STAT2: variants seen among roughly 807,000 people sequenced by gnomAD.
The protein encoded by STAT2 is signal transducer and activator of transcription 2.
Under a neutral mutation model 122.3 loss-of-function variants are expected in STAT2, and 51 were observed. The ratio of observed to expected loss-of-function variants is 0.42; its 90% CI spans 0.33 to 0.53. The LOEUF (loss-of-function observed/expected upper bound fraction) is 0.53. Among genes scored for constraint, STAT2 ranks in the 20% least tolerant of loss-of-function variants. STAT2 has a pLI of 0.10. For missense variants in STAT2, 736 were observed against 1,010.3 expected, an observed-to-expected ratio of 0.73 and a Z score of 3.68; for synonymous variants, 351 against 394.9, an observed-to-expected ratio of 0.89 and a Z score of 1.32.
At chr12:56,346,370 G>A in intron 21 of STAT2, 72 bp downstream of exon 21, 1 of 1,586,390 alleles carries the variant, frequency 6.3e-7, no homozygotes, top group South Asian at 1.1e-5. Context: ...ATGCTTTAAA[G>A]GAAGGAGTGG....
chr12:56,349,005 C>G lies in STAT2; in HGVS notation c.1495G>C (p.Ala499Pro). 1.2e-6 allele frequency: 2 copies of G among 1,613,892 alleles called. No homozygotes were observed. The highest frequency in any genetic ancestry group is 2.2e-5 in the East Asian group (1 of 44,884). Residue 499 changes from alanine (A) to proline (P), a missense_variant, in exon 17 of 24, where the codon GCT becomes CCT. Physicochemically the swap from Ala to Pro is conservative, Grantham distance 27. Transcript: ENST00000314128. Reference protein sequence around the residue: ...PKAPWSLLGPALSWQFSSYVG... With the variant: ...PKAPWSLLGPPLSWQFSSYVG... The stretch of plus-strand genomic sequence containing the variant: ...TAGGAGGAGAACTGCCAACTGAGAG[C>G]AGGGCCCAGCAAGCTCCAGGGGGCC...
At chr12:56,347,039 A>C in intron 19 of STAT2, 84 bp from the exon 20 acceptor site, 1 of 1,557,588 alleles carries the variant, frequency 6.4e-7, no homozygotes, top group South Asian at 1.2e-5. Flanking sequence ...TTGTATGGAG[A>C]AACAGCCCAG....
At chr12:56,351,993 A>G (rs1386614918) in intron 8 of STAT2, among the ~76,000 whole-genome samples, 1 of 152,114 alleles carries the variant, frequency 6.6e-6, no homozygotes. Context: ...CCTGGATTCA[A>G]GAGATTCTCC....
chr12:56,354,011 AAAAAAAT>A (rs1287279154), intron 8 of STAT2, among the ~76,000 whole-genome samples: 1 of 55,936 alleles, frequency 1.8e-5, no homozygotes, highest in Non-Finnish European at 4.4e-5. Context: ...AAAAAAAAAA[AAAAAAAT>A]ATATATATAT....
chr12:56,358,151 T>C (rs576275629), intron 1 of STAT2, among the ~76,000 whole-genome samples: 4 of 152,200 alleles, frequency 2.6e-5, no homozygotes, highest in African/African-American at 4.8e-5. Flanking sequence ...TTGTTATTTA[T>C]ATTTGATTGT....
chr12:56,351,741 AAAC>A (rs1391510400), intron 8 of STAT2, among the ~76,000 whole-genome samples: 3 of 152,186 alleles, frequency 2.0e-5, no homozygotes, highest in African/African-American at 7.2e-5. Flanking sequence ...TTAATCCTCA[AAAC>A]AACCCTCTGA....
rs540322224 is a variant in STAT2 at position 56,348,889 on chromosome 12, G to A, written c.1576+35C>T. 129 of 1,613,504 alleles carry A rather than the reference G, an allele frequency of 8.0e-5. No homozygotes were observed. The South Asian group carries it at 1.3e-3, about 16-fold the overall frequency. ...GGACAGAGGGACAGAAAAGACTAAG[G>A]CTGGGGAAAGGCTGAGAGAAAAGGA... On this transcript the variant is annotated intron_variant, in intron 17 of 23. Coordinates refer to ENST00000314128, the MANE Select transcript of STAT2 (RefSeq NM_005419.4).
In STAT2 at chr12:56,348,559, T is replaced by C. The variant is rs1877904633; in HGVS notation, c.1694A>G (p.His565Arg). Residue 565 changes from histidine to arginine, a missense_variant, in exon 19 of 24, where the codon CAT (histidine) becomes CGT (arginine). By Grantham distance (29) the His-to-Arg change is conservative (BLOSUM62 0). Coordinates refer to ENST00000314128, the MANE Select transcript of STAT2 (RefSeq NM_005419.4). ...TWLDKILELV[H>R]DHLKDLWNDG... The stretch of plus-strand genomic sequence containing the variant: ...ATTCCAGAGATCCTTCAGGTGGTCA[T>C]GTACCAACTCCAGAATTTTGTCCAG... The C allele has an allele frequency of 6.2e-7, 1 of 1,614,152 alleles. No homozygotes were observed. The highest frequency in any genetic ancestry group is 1.1e-5 in the South Asian group (1 of 91,078).
chr12:56,350,028 G>A, intron 13 of STAT2, 69 bp downstream of exon 13: 1 of 1,400,606 alleles, frequency 7.1e-7, no homozygotes, highest in Non-Finnish European at 1.0e-6. Context: ...CAGCCTGGGG[G>A]ACAGAGTGAG....
Position 56,356,500 on chromosome 12 carries a change from G to A in STAT2, c.72C>T (p.His24=), listed in dbSNP as rs201190254. Residue 24 remains histidine (H), a synonymous_variant, in exon 2 of 24, where the codon CAC becomes CAT. Transcript: ENST00000314128. The stretch of plus-strand genomic sequence containing the variant: ...GTCGAATGTCCACAGGCAGGAGGCT[G>A]TGCGAGTAAAGCTGGTGCAGCTGAT... ...FQDQLHQLYS[H]SLLPVDIRQY... 23 of 1,614,218 alleles carry A rather than the reference G, an allele frequency of 1.4e-5. No homozygotes were observed. In the African/African-American group the frequency reaches 2.4e-4, roughly 17 times the overall value.
intron 18 of STAT2, 62 bp downstream of exon 18, chr12:56,348,690 G>C: frequency 6.2e-7 from 1 of 1,613,854 alleles, no homozygotes; most frequent in Non-Finnish European, 8.5e-7. Context: ...GGAGGGACGT[G>C]GGAAGGCCAG....
At chr12:56,344,956 T>A (rs1877127404) in intron 22 of STAT2, among the ~76,000 whole-genome samples, 1 of 151,112 alleles carries the variant, frequency 6.6e-6, no homozygotes, top group Non-Finnish European at 1.5e-5. Context: ...TGCAGTGAGC[T>A]GAGATCGTGC....
At chr12:56,347,190 C>CT (rs979112702) in intron 19 of STAT2, among the ~76,000 whole-genome samples, 116 of 146,988 alleles carry the variant, frequency 7.9e-4, no homozygotes, top group Non-Finnish European at 8.1e-4. Flanking sequence ...ATGAACAGCA[C>CT]TTTTTTTTTT....
At chr12:56,346,329 TC>T in intron 21 of STAT2, 112 bp downstream of exon 21, 1 of 1,553,792 alleles carries the variant, frequency 6.4e-7, no homozygotes, top group Admixed American at 1.8e-5. Flanking sequence ...CATGGACGAA[TC>T]CCTTAATTCC....
intron 22 of STAT2, among the ~76,000 whole-genome samples, chr12:56,345,512 A>ATATATATATATAT (rs1216741920): frequency 3.6e-5 from 1 of 28,038 alleles, no homozygotes; most frequent in Admixed American, 3.4e-4. Flanking sequence ...AAAAAAAAAA[A>ATATATATATATAT]AAAAAAAAAA....
intron 8 of STAT2, 82 bp from the exon 9 acceptor site, chr12:56,351,532 T>C: frequency 6.8e-7 from 1 of 1,476,242 alleles, no homozygotes; most frequent in Middle Eastern, 2.3e-4. Flanking sequence ...TCTGTAAATA[T>C]GTGAAGAGTC....
chr12:56,349,314 T>C (rs2136055018), intron 15 of STAT2, 53 bp from the exon 16 acceptor site: 1 of 1,614,054 alleles, frequency 6.2e-7, no homozygotes, highest in Non-Finnish European at 8.5e-7. Context: ...TAGCTGCAGG[T>C]ATTTGTTAGA....
At chr12:56,354,708 G>A in intron 7 of STAT2, 70 bp downstream of exon 7, 2 of 1,612,886 alleles carry the variant, frequency 1.2e-6, no homozygotes, top group Non-Finnish European at 1.7e-6. Flanking sequence ...AGCGCTAGAG[G>A]ACCAGGGTCC....
rs1012979799 is a variant in STAT2, at chr12:56,342,739, G to A, written c.*650C>T. ...ATTGGCAGGATCATTTTATGGGGGA[G>A]GAACAGGTACAGCCAGCTTAGGGGC... is the stretch of plus-strand genomic sequence containing the variant. On this transcript the variant is annotated 3_prime_UTR_variant, in exon 24 of 24. Transcript: ENST00000314128. 4.6e-5 allele frequency: 7 copies of A among 152,240 alleles called. No homozygotes were observed. The highest frequency in any genetic ancestry group is 7.3e-5 in the Non-Finnish European group (5 of 68,094). The allele number at this position is 152,240 out of a possible 1,614,324, so 9.4% of individuals were successfully genotyped here. A position where few individuals can be genotyped will look rare whatever the true frequency, so the allele number is the denominator to read the frequency against.
Sources: gnomAD v4.1 joint callset for allele counts (sites outside exome capture counted in the v4.1 genomes callset) on GRCh38, gnomAD v4.1.1 for gene constraint, MANE v1.5 for transcripts, NCBI Gene and HGNC (gene_info 2026-07-23, HGNC 2026-07-21) for gene names.